RHOJ: variants seen among roughly 807,000 people sequenced by gnomAD.
RHOJ encodes the protein rho-related GTP-binding protein RhoJ.
In RHOJ, 11 loss-of-function variants were observed where a neutral mutation model predicts 23.4. The observed-to-expected ratio is 0.47, with a 90% CI of 0.30 to 0.78. The LOEUF is 0.78. Among genes scored for constraint, RHOJ ranks in the 30% least tolerant of loss-of-function variants. The pLI, the probability that RHOJ is intolerant of heterozygous loss-of-function variation, is 0.08. For synonymous variants in RHOJ, 102 were observed against 102.7 expected (o/e 0.99, Z 0.04); for missense variants, 254 against 273.4 (o/e 0.93, Z 0.50).
At chr14:63,243,827 G>A (rs1430629267) in intron 1 of RHOJ, among the ~76,000 whole-genome samples, 1 of 152,102 alleles carries the variant, frequency 6.6e-6, no homozygotes, top group Admixed American at 6.5e-5. Flanking sequence ...TAACTACTCT[G>A]GAATGGTGAA....
rs1040613 is a variant in RHOJ at position 63,251,636 on chromosome 14, C to T, written c.179-17474C>T. On this transcript the variant is annotated intron_variant, in intron 1 of 4. Transcript: ENST00000316754. ...CTCACTCCACTGGGGGCATTCAAGC[C>T]AAGTGTGTTGACCCTAAGTGATTTC... Among the ~76,000 whole-genome samples the T allele has an allele frequency of 4.5e-3, 686 of 152,274 alleles. 2 individuals are homozygous for T. The highest frequency in any genetic ancestry group is 0.016 in the African/African-American group (655 of 41,540).
At chr14:63,209,224 A>G (rs1327303610) in intron 1 of RHOJ, among the ~76,000 whole-genome samples, 2 of 152,070 alleles carry the variant, frequency 1.3e-5, no homozygotes, top group African/African-American at 4.8e-5. Flanking sequence ...CCTATCATCA[A>G]TTCTCCACAT....
chr14:63,261,969 C>A (rs1895280655), intron 1 of RHOJ, among the ~76,000 whole-genome samples: 1 of 152,112 alleles, frequency 6.6e-6, no homozygotes, highest in African/African-American at 2.4e-5. Context: ...CTACATACAC[C>A]ACAGTCAGGC....
chr14:63,274,546 T>G (rs1056928079), intron 2 of RHOJ, among the ~76,000 whole-genome samples: 3 of 152,132 alleles, frequency 2.0e-5, no homozygotes, highest in African/African-American at 7.2e-5. Flanking sequence ...CCAATAAGGG[T>G]AGGGAAATGC....
chr14:63,290,954 T>A lies in RHOJ; in HGVS notation c.575T>A (p.Leu192His), dbSNP rs751465083. Reference protein sequence around the residue: ...GLKAVFDEAILTIFHPKKKKK... With the variant: ...GLKAVFDEAIHTIFHPKKKKK... ...AAAGCGGTTTTTGATGAAGCAATCC[T>A]CACCATTTTCCACCCCAAGAAAAAG... Residue 192 changes from leucine (L) to histidine (H), a missense_variant, in exon 5 of 5, where the codon CTC becomes CAC. By Grantham distance (99) the Leu-to-His change is moderately conservative. Coordinates refer to ENST00000316754, the MANE Select transcript of RHOJ (RefSeq NM_020663.5). The A allele has an allele frequency of 6.2e-7, 1 of 1,614,116 alleles. No individual in the cohort carries two copies. Among genetic ancestry groups the A allele is most frequent in the East Asian group, 2.2e-5 (1 of 44,882 alleles).
At chr14:63,211,775 T>C (rs569635903) in intron 1 of RHOJ, among the ~76,000 whole-genome samples, 1 of 152,306 alleles carries the variant, frequency 6.6e-6, no homozygotes, top group East Asian at 1.9e-4. Context: ...TAAGGTGCTA[T>C]CATTTTCTCA....
intron 1 of RHOJ, among the ~76,000 whole-genome samples, chr14:63,214,113 C>T (rs530718265): frequency 6.6e-6 from 1 of 152,210 alleles, no homozygotes; most frequent in South Asian, 2.1e-4. Flanking sequence ...CTATTTATTC[C>T]ACTACATATG....
intron 1 of RHOJ, among the ~76,000 whole-genome samples, chr14:63,262,773 T>C (rs1049488298): frequency 2.6e-5 from 4 of 152,242 alleles, no homozygotes; most frequent in African/African-American, 4.8e-5. Context: ...CTATTATGTA[T>C]GCCAGGAACT....
At chr14:63,233,295 A>G (rs1894731376) in intron 1 of RHOJ, among the ~76,000 whole-genome samples, 1 of 152,172 alleles carries the variant, frequency 6.6e-6, no homozygotes, top group Non-Finnish European at 1.5e-5. Context: ...CTGAATGGGG[A>G]GTAACTGCTC....
intron 1 of RHOJ, among the ~76,000 whole-genome samples, chr14:63,243,974 A>G (rs1894930778): frequency 6.6e-6 from 1 of 152,218 alleles, no homozygotes. Flanking sequence ...TACTTTATAG[A>G]TGACCTTCTA....
chr14:63,229,911 T>C (rs1381382277), intron 1 of RHOJ, among the ~76,000 whole-genome samples: 1 of 152,222 alleles, frequency 6.6e-6, no homozygotes, highest in Non-Finnish European at 1.5e-5. Context: ...CCGTGTTGGC[T>C]CTTAACATGT....
At chr14:63,260,775 T>TGTAAATG (rs1895257920) in intron 1 of RHOJ, among the ~76,000 whole-genome samples, 1 of 152,120 alleles carries the variant, frequency 6.6e-6, no homozygotes, top group African/African-American at 2.4e-5. Context: ...GGTTTCCAAC[T>TGTAAATG]GTTAGCTACT....
intron 1 of RHOJ, among the ~76,000 whole-genome samples, chr14:63,214,003 C>T (rs1341688291): frequency 6.6e-6 from 1 of 152,160 alleles, no homozygotes; most frequent in Admixed American, 6.6e-5. Flanking sequence ...TTAATAGACA[C>T]TTAGTCATCT....
chr14:63,226,094 AT>A (rs540883889), intron 1 of RHOJ, among the ~76,000 whole-genome samples: 3 of 152,282 alleles, frequency 2.0e-5, no homozygotes, highest in Middle Eastern at 3.4e-3. Flanking sequence ...ATAATAATCA[AT>A]TTTTGAAAGA....
At chr14:63,272,829 G>A (rs1895495650) in intron 2 of RHOJ, among the ~76,000 whole-genome samples, 1 of 152,188 alleles carries the variant, frequency 6.6e-6, no homozygotes, top group Admixed American at 6.5e-5. Flanking sequence ...TTCAAGACCA[G>A]CCTGGCCAAT....
rs371141955 is a variant in RHOJ at position 63,229,106 on chromosome 14, G to A, written c.178+24059G>A. Among the ~76,000 whole-genome samples the A allele has an allele frequency of 8.5e-5, 13 of 152,296 alleles. No individual in the cohort carries two copies. In the East Asian group the frequency reaches 9.6e-4, roughly 11 times the overall value. ...TTCATACAAGGTGTACAAAATGCTC[G>A]TCAAGAAAAAGTCAATAGGAAATAA... On this transcript the variant is annotated intron_variant, in intron 1 of 4. Transcript: ENST00000316754.
At chr14:63,251,108 T>C (rs1285612279) in intron 1 of RHOJ, among the ~76,000 whole-genome samples, 1 of 152,136 alleles carries the variant, frequency 6.6e-6, no homozygotes, top group African/African-American at 2.4e-5. Context: ...TGTTTTACAT[T>C]CCCCTTGAGT....
chr14:63,238,704 G>A (rs980358589), intron 1 of RHOJ, among the ~76,000 whole-genome samples: 1 of 152,202 alleles, frequency 6.6e-6, no homozygotes, highest in African/African-American at 2.4e-5. Context: ...TTATAGGCAT[G>A]AGAAACTGCA....
chr14:63,278,002 G>A (rs868256340), intron 2 of RHOJ, among the ~76,000 whole-genome samples: 1 of 113,248 alleles, frequency 8.8e-6, no homozygotes, highest in Non-Finnish European at 1.7e-5. Flanking sequence ...CACACACACA[G>A]ACATAGGCAC....
Sources: gnomAD v4.1 joint callset for allele counts (sites outside exome capture counted in the v4.1 genomes callset) on GRCh38, gnomAD v4.1.1 for gene constraint, MANE v1.5 for transcripts, NCBI Gene and HGNC (gene_info 2026-07-23, HGNC 2026-07-21) for gene names.